ZPLD1: variants seen among roughly 807,000 people sequenced by gnomAD.
The protein encoded by ZPLD1 is zona pellucida like domain containing 1.
A neutral mutation model predicts 47.2 loss-of-function variants in ZPLD1; 34 were observed. The observed-to-expected ratio is 0.72, with a 90% CI of 0.55 to 0.96. The LOEUF (loss-of-function observed/expected upper bound fraction) is 0.96. Among genes scored for constraint, ZPLD1 ranks in the 40% least tolerant of loss-of-function variants. The pLI is 0.00. For synonymous variants in ZPLD1, 176 were observed against 186.2 expected, an observed-to-expected ratio of 0.95 and a Z score of 0.45; for missense variants, 512 against 505.8, an observed-to-expected ratio of 1.01 and a Z score of -0.12.
chr3:102,397,052 A>G (rs2107288768), intron 7 of ZPLD1, among the ~76,000 whole-genome samples: 1 of 152,268 alleles, frequency 6.6e-6, no homozygotes, highest in South Asian at 2.1e-4. Context: ...TCTACTTAAT[A>G]AAAAGGAGGA....
At chr3:102,432,609 T>C (rs1707029529), upstream of ZPLD1, among the ~76,000 whole-genome samples, 1 of 152,226 alleles carries the variant, frequency 6.6e-6, no homozygotes, top group African/African-American at 2.4e-5. Context: ...AAAGGCACTT[T>C]CGAACATGTT....
At position 102,455,585 on chromosome 3, in the gene ZPLD1, C is replaced by T. The variant is rs1395497665; in HGVS notation, c.328-608C>T. On this transcript the variant is annotated intron_variant, in intron 4 of 11. Coordinates refer to ENST00000466937, the MANE Select transcript of ZPLD1 (RefSeq NM_001329788.2). The stretch of plus-strand genomic sequence containing the variant: ...CCTTTCTGGGGCCCAAAATGCTGAT[C>T]GCTGTGCTATGCTGAGTTTGCAAAG... 3.9e-5 allele frequency among the ~76,000 whole-genome samples: 6 copies of T among 152,156 alleles called. No homozygotes were observed. In the East Asian group the frequency reaches 1.2e-3, roughly 29 times the overall value.
intron 3 of ZPLD1, among the ~76,000 whole-genome samples, chr3:102,439,271 G>A (rs552829414): frequency 1.3e-5 from 2 of 152,342 alleles, no homozygotes; most frequent in South Asian, 4.1e-4. Context: ...CCATGCAAAT[G>A]GAATCTCTTT....
At position 102,457,829 on chromosome 3, in the gene ZPLD1, C is replaced by T. The variant is rs753798296; in HGVS notation, c.558C>T (p.Ser186=). 1 of 1,613,924 alleles carries T rather than the reference C, an allele frequency of 6.2e-7. No homozygotes were observed. Among genetic ancestry groups the T allele is most frequent in the Non-Finnish European group, 8.5e-7 (1 of 1,179,926 alleles). The change falls in exon 6 of 12, where the codon AGC becomes AGT. Residue 186 remains serine (S), a synonymous_variant. Coordinates refer to ENST00000466937, the MANE Select transcript of ZPLD1 (RefSeq NM_001329788.2). ...GAGAGAACAATGGCACATTTGTCAG[C>T]ACTTTGAACCTGCTCCTTTATAACG... The part of the protein sequence containing the change: ...SVRENNGTFV[S]TLNLLLYNDS...
chr3:102,388,849 T>C (rs760649288), intron 6 of ZPLD1, among the ~76,000 whole-genome samples: 1 of 152,206 alleles, frequency 6.6e-6, no homozygotes, highest in Non-Finnish European at 1.5e-5. Context: ...AAGAGACTTC[T>C]GATTTTTTTG....
At chr3:102,436,399 G>T (rs1240669300) in intron 1 of ZPLD1, among the ~76,000 whole-genome samples, 1 of 152,052 alleles carries the variant, frequency 6.6e-6, no homozygotes, top group African/African-American at 2.4e-5. Context: ...AAAGAAAATT[G>T]TATTAATTAC....
chr3:102,430,824 T>G (rs1215054325), upstream of ZPLD1, among the ~76,000 whole-genome samples: 1 of 152,226 alleles, frequency 6.6e-6, no homozygotes, highest in African/African-American at 2.4e-5. Context: ...TTTATTCTGA[T>G]GTAATAATAC....
intron 10 of ZPLD1, among the ~76,000 whole-genome samples, chr3:102,471,552 C>G (rs1377279057): frequency 1.3e-5 from 2 of 152,038 alleles, no homozygotes; most frequent in Non-Finnish European, 2.9e-5. Context: ...ATACATGTAC[C>G]TACACACATA....
At chr3:102,412,152 C>A (rs920682255) in intron 7 of ZPLD1, among the ~76,000 whole-genome samples, 1 of 151,746 alleles carries the variant, frequency 6.6e-6, no homozygotes, top group African/African-American at 2.4e-5. Flanking sequence ...GGAGGGCAAT[C>A]TGCTTCACTC....
chr3:102,463,178 G>A (rs1412118321), intron 7 of ZPLD1, among the ~76,000 whole-genome samples: 1 of 152,096 alleles, frequency 6.6e-6, no homozygotes, highest in Non-Finnish European at 1.5e-5. Context: ...ATGGACTAAT[G>A]TATAAATGTG....
chr3:102,419,476 T>C (rs1424285230), intron 8 of ZPLD1, among the ~76,000 whole-genome samples: 3 of 151,994 alleles, frequency 2.0e-5, no homozygotes, highest in African/African-American at 4.8e-5. Context: ...AACAAGATCA[T>C]GGTAGACATT....
rs80059830 is a variant in ZPLD1 at position 102,412,795 on chromosome 3, A to G, written c.-156-5265A>G. Among the ~76,000 whole-genome samples, 1,106 of 151,800 alleles carry G rather than the reference A, an allele frequency of 7.3e-3. 9 individuals are homozygous for G. The highest frequency in any genetic ancestry group is 0.025 in the African/African-American group (1,045 of 41,468). On this transcript the variant is annotated intron_variant, in intron 7 of 17. Transcript: ENST00000491959. The stretch of plus-strand genomic sequence containing the variant: ...GATTGACTGGTTTCATTTGACAGGG[A>G]CATATGTATATATCCCTATATATAC...
intron 8 of ZPLD1, among the ~76,000 whole-genome samples, chr3:102,422,771 T>C (rs1706895812): frequency 6.6e-6 from 1 of 152,070 alleles, no homozygotes; most frequent in Non-Finnish European, 1.5e-5. Flanking sequence ...GTGGATATGA[T>C]GGGCATAGGG....
Position 102,477,878 on chromosome 3 carries a change from C to T in ZPLD1, c.*260C>T, listed in dbSNP as rs1559764613. On this transcript the variant is annotated 3_prime_UTR_variant, in exon 12 of 12. Transcript: ENST00000466937. ...AGTGAAAAATATTCAGGACTTAGGG[C>T]TTACAGGATCAGTAATATTTCATTT... 4 of 297,078 alleles carry T rather than the reference C, an allele frequency of 1.3e-5. No individual in the cohort carries two copies. The highest frequency in any genetic ancestry group is 2.5e-5 in the Non-Finnish European group (4 of 162,794). The allele number at this position is 297,078 out of a possible 1,614,324, so 18.4% of individuals were successfully genotyped here.
chr3:102,459,425 C>A lies in ZPLD1; in HGVS notation c.582+1572C>A, dbSNP rs574735711. ...ATTTTCTGTGAAATTAAACTATTCT[C>A]TCACTGAAATAGCAGAAAATCAAAA... On this transcript the variant is annotated intron_variant, in intron 6 of 11. Transcript: ENST00000466937. Among the ~76,000 whole-genome samples, 10 of 152,254 alleles carry A rather than the reference C, an allele frequency of 6.6e-5. No homozygotes were observed. The South Asian group carries it at 2.1e-3, about 32-fold the overall frequency.
intron 10 of ZPLD1, among the ~76,000 whole-genome samples, chr3:102,471,339 G>A (rs960931948): frequency 5.9e-5 from 9 of 152,076 alleles, no homozygotes; most frequent in African/African-American, 1.9e-4. Context: ...TCTCTCTTGT[G>A]AATTCTCCAC....
At chr3:102,438,693 C>A (rs1234650988) in intron 3 of ZPLD1, 100 bp downstream of exon 3, 1 of 795,530 alleles carries the variant, frequency 1.3e-6, no homozygotes. Flanking sequence ...GGGGCTATCT[C>A]TTTACATTAA....
intron 7 of ZPLD1, among the ~76,000 whole-genome samples, chr3:102,417,317 G>A (rs1010123942): frequency 6.6e-6 from 1 of 151,986 alleles, no homozygotes; most frequent in African/African-American, 2.4e-5. Flanking sequence ...TAAAATAGTA[G>A]CAAAGTATTT....
chr3:102,389,385 T>G (rs1706471240), intron 6 of ZPLD1, among the ~76,000 whole-genome samples: 1 of 152,192 alleles, frequency 6.6e-6, no homozygotes, highest in African/African-American at 2.4e-5. Flanking sequence ...AAGTCATTAC[T>G]TTCTGTCAGA....
Sources: allele counts gnomAD v4.1 joint callset (sites outside exome capture counted in the v4.1 genomes callset), GRCh38; gene constraint gnomAD v4.1.1; transcripts MANE v1.5; gene names NCBI Gene and HGNC (gene_info 2026-07-23, HGNC 2026-07-21).